The following ZNF268 variants were observed in gnomAD, a reference collection of about 807,000 sequenced individuals.
ZNF268 encodes the protein zinc finger protein 3.
A neutral mutation model predicts 29.3 loss-of-function variants in ZNF268; 20 were observed. The ratio of observed to expected loss-of-function variants is 0.68; its 90% CI spans 0.48 to 0.99. ZNF268 has a LOEUF of 0.99. ZNF268 is among the 50% of genes least tolerant of loss of function. ZNF268 has a pLI of 0.00. For synonymous variants in ZNF268, 429 were observed against 376.9 expected, an observed-to-expected ratio of 1.14 and a Z score of -1.60; for missense variants, 1,240 against 1,121.6, an observed-to-expected ratio of 1.11 and a Z score of -1.51.
chr12:133,204,477 T>A lies in ZNF268; in HGVS notation c.2791T>A (p.Trp931Arg). 2 of 1,546,290 alleles carry A rather than the reference T, an allele frequency of 1.3e-6. No individual in the cohort carries two copies. Among genetic ancestry groups the A allele is most frequent in the South Asian group, 1.2e-5 (1 of 84,466 alleles). Residue 931 changes from tryptophan (W) to arginine (R), a missense_variant, in exon 6 of 6, where the codon TGG (tryptophan) becomes AGG (arginine). Coordinates refer to ENST00000536435, the MANE Select transcript of ZNF268 (RefSeq NM_003415.3). ...KCTECGKAFC[W>R]KSQLIMHQRT... ...CACTGAATGTGGGAAAGCCTTTTGTTGGAAGTCACAGCTCATTATGCATCA... is the reference window on the plus strand; with the variant it reads ...CACTGAATGTGGGAAAGCCTTTTGTAGGAAGTCACAGCTCATTATGCATCA...
intron 5 of ZNF268, 56 bp downstream of exon 5, chr12:133,192,059 T>C (rs1956488999): frequency 2.1e-6 from 3 of 1,426,526 alleles, no homozygotes; most frequent in Non-Finnish European, 1.9e-6. Context: ...TGAATTCCAA[T>C]GTGATGTGCT....
chr12:133,196,356 A>G lies in ZNF268; in HGVS notation c.457+4353A>G, dbSNP rs531512647. Among the ~76,000 whole-genome samples, 4 of 149,450 alleles carry G rather than the reference A, an allele frequency of 2.7e-5. No homozygotes were observed. In the East Asian group the frequency reaches 5.9e-4, roughly 22 times the overall value. ...AAAAAAAAAAGCCTGTCTTTTAGTT[A>G]CTGGGTTTGGTATTCCCTGATTTTT... is the stretch of plus-strand genomic sequence containing the variant. On this transcript the variant is annotated intron_variant, in intron 5 of 5. Coordinates refer to ENST00000536435, the MANE Select transcript of ZNF268 (RefSeq NM_003415.3).
Position 133,181,653 on chromosome 12 carries a change from T to G in ZNF268, c.-86T>G, listed in dbSNP as rs1956178734. ...GTGGAGGCAGTACCCTGGACTCTAT[T>G]CTGCTGCCCCTTCAGGGTTTGGAGG... is the stretch of plus-strand genomic sequence containing the variant. On this transcript the variant is annotated 5_prime_UTR_variant, in exon 1 of 6. In the 5' UTR this introduces an upstream ATG that the reference lacks. Coordinates refer to ENST00000536435, the MANE Select transcript of ZNF268 (RefSeq NM_003415.3). 6.6e-6 allele frequency: 2 copies of G among 302,422 alleles called. No homozygotes were observed. The highest frequency in any genetic ancestry group is 2.1e-5 in the African/African-American group (1 of 47,328). 18.7% of individuals were successfully genotyped at this position (302,422 alleles called of 1,614,324 possible).
In ZNF268 at chr12:133,205,144, T is replaced by TAAAAAAAAAAAAA. The variant is rs1223672116; in HGVS notation, c.*631_*643dup. The TAAAAAAAAAAAAA allele has an allele frequency of 2.6e-3, 111 of 42,292 alleles. 6 individuals carry two copies. Among genetic ancestry groups the TAAAAAAAAAAAAA allele is most frequent in the Middle Eastern group, 0.022 (1 of 46 alleles). The allele number at this position is 42,292 out of a possible 1,614,324, so 2.6% of individuals were successfully genotyped here. A position where few individuals can be genotyped will look rare whatever the true frequency, so the allele number is the denominator to read the frequency against. On this transcript the variant is annotated 3_prime_UTR_variant, in exon 6 of 6. Coordinates refer to ENST00000536435, the MANE Select transcript of ZNF268 (RefSeq NM_003415.3). ...TAACCTCACCTTAGAAGCTTCATTC[T>TAAAAAAAAAAAAA]AAAAAAAAAAAAAAAAAAAAAAAAA... is the stretch of plus-strand genomic sequence containing the variant.
Position 133,205,102 on chromosome 12 carries a change from A to C in ZNF268, c.*572A>C, listed in dbSNP as rs1190439811. ...GAACATCTTATGAATGTACCAAATAAACCACAGCTGGACTGTTAACCTCAC... is the reference window on the plus strand; with the variant it reads ...GAACATCTTATGAATGTACCAAATACACCACAGCTGGACTGTTAACCTCAC... On this transcript the variant is annotated 3_prime_UTR_variant, in exon 6 of 6. Coordinates refer to ENST00000536435, the MANE Select transcript of ZNF268 (RefSeq NM_003415.3). 1 of 147,834 alleles carries C rather than the reference A, an allele frequency of 6.8e-6. No homozygotes were observed. Among genetic ancestry groups the C allele is most frequent in the Non-Finnish European group, 1.5e-5 (1 of 66,704 alleles). The allele number at this position is 147,834 out of a possible 1,614,324, so 9.2% of individuals were successfully genotyped here. A position where few individuals can be genotyped will look rare whatever the true frequency, so the allele number is the denominator to read the frequency against.
In ZNF268 at chr12:133,211,753, CTCAT is replaced by C. The variant is rs1157213843; in HGVS notation, c.*7229_*7232del. 1 of 152,218 alleles carries C rather than the reference CTCAT, an allele frequency of 6.6e-6. No individual in the cohort carries two copies. Among genetic ancestry groups the C allele is most frequent in the African/African-American group, 2.4e-5 (1 of 41,440 alleles). The allele number at this position is 152,218 out of a possible 1,614,324, so 9.4% of individuals were successfully genotyped here. Reference sequence around the variant, plus strand: ...TAAATTTGCAATTGCAACAGGAACTCTCATTCATTGCTGGTGCAATGCATAATAG... The same window carrying C: ...TAAATTTGCAATTGCAACAGGAACTCTCATTGCTGGTGCAATGCATAATAG... On this transcript the variant is annotated 3_prime_UTR_variant, in exon 6 of 6. Transcript: ENST00000536435.
chr12:133,203,186 T>C lies in ZNF268; in HGVS notation c.1500T>C (p.Tyr500=), dbSNP rs145674113. 945 of 1,537,834 alleles carry C rather than the reference T, an allele frequency of 6.1e-4. 2 individuals are homozygous for C. The African/African-American group carries it at 0.011, about 18-fold the overall frequency. Residue 500 remains tyrosine, a synonymous_variant, in exon 6 of 6, where the codon TAT becomes TAC. Coordinates refer to ENST00000536435, the MANE Select transcript of ZNF268 (RefSeq NM_003415.3). Reference sequence around the variant, plus strand: ...GAAGTCACACAGGAATGAAACCTTATGTATGCAATGAATGTGGCAAAGCCT... The same window carrying C: ...GAAGTCACACAGGAATGAAACCTTACGTATGCAATGAATGTGGCAAAGCCT... ...HQRSHTGMKP[Y]VCNECGKAFR... is the part of the protein sequence containing the mutation.
In ZNF268 at chr12:133,205,414, TA is replaced by T. The variant is rs1800839416; in HGVS notation, c.*886del. 1 of 152,148 alleles carries T rather than the reference TA, an allele frequency of 6.6e-6. No individual in the cohort carries two copies. Among genetic ancestry groups the T allele is most frequent in the Admixed American group, 6.5e-5 (1 of 15,272 alleles). The allele number at this position is 152,148 out of a possible 1,614,324, so 9.4% of individuals were successfully genotyped here. ...TAGATATCTTCCTATGTGTACTACA[TA>T]ATATGAATTTTGCAGTTTGGCATTT... On this transcript the variant is annotated 3_prime_UTR_variant, in exon 6 of 6. Coordinates refer to ENST00000536435, the MANE Select transcript of ZNF268 (RefSeq NM_003415.3).
In ZNF268 at chr12:133,207,464, C is replaced by A. The variant is rs1258691872; in HGVS notation, c.*2934C>A. 2 of 152,214 alleles carry A rather than the reference C, an allele frequency of 1.3e-5. No individual in the cohort carries two copies. Among genetic ancestry groups the A allele is most frequent in the African/African-American group, 2.4e-5 (1 of 41,450 alleles). 9.4% of individuals were successfully genotyped at this position (152,214 alleles called of 1,614,324 possible). Reference sequence around the variant, plus strand: ...ATTAGTGGATCCAGCATCCTTTGTTCATTACCAGCAGAATCACTATTATTT... The same window carrying A: ...ATTAGTGGATCCAGCATCCTTTGTTAATTACCAGCAGAATCACTATTATTT... On this transcript the variant is annotated 3_prime_UTR_variant, in exon 6 of 6. Transcript: ENST00000536435.
rs1392510759 is a variant in ZNF268 at position 133,202,636 on chromosome 12, C to T, written c.950C>T (p.Ser317Leu). The T allele has an allele frequency of 1.9e-6, 3 of 1,605,114 alleles. No homozygotes were observed. The highest frequency in any genetic ancestry group is 2.2e-5 in the East Asian group (1 of 44,658). The change falls in exon 6 of 6, where the codon TCA becomes TTA. Residue 317 changes from serine to leucine, a missense_variant. By Grantham distance (145) the Ser-to-Leu change is moderately radical (BLOSUM62 -2). This residue lies in a region of ZNF268 where 1,177 missense variants were observed against 1,039.6 expected (regional missense o/e 1.13). Coordinates refer to ENST00000536435, the MANE Select transcript of ZNF268 (RefSeq NM_003415.3). ...TGTGGGAAAGACTTCAGTAGTAAAT[C>T]ATACCTCATTGTACATCAGAGAATT... ...NECGKDFSSK[S>L]YLIVHQRIHT...
chr12:133,204,151 TACTCATTGTACATGAGCGA>T lies in ZNF268; in HGVS notation c.2472_2490del (p.Ile824MetfsTer114). 6.5e-7 allele frequency: 1 copy of T among 1,541,732 alleles called. No homozygotes were observed. Among genetic ancestry groups the T allele is most frequent in the East Asian group, 2.4e-5 (1 of 40,840 alleles). ...GGGAAAGCCTTCATTTGGAAATCAC[TACTCATTGTACATGAGCGA>T]ACTCATGCAGGGGTCAACCCTTATA... On this transcript the variant is annotated frameshift_variant, in exon 6 of 6. Coordinates refer to ENST00000536435, the MANE Select transcript of ZNF268 (RefSeq NM_003415.3). LOFTEE classifies it low-confidence loss of function (END_TRUNC).
intron 5 of ZNF268, among the ~76,000 whole-genome samples, chr12:133,201,842 C>G (rs1956757950): frequency 6.6e-6 from 1 of 152,072 alleles, no homozygotes; most frequent in South Asian, 2.1e-4. Flanking sequence ...ATTTTGCCTT[C>G]TTTATCCAAT....
At position 133,212,473 on chromosome 12, in the gene ZNF268, A is replaced by G. The variant is rs1228994707; in HGVS notation, c.*7943A>G. ...TATATATATATATATATATATATAT[A>G]TATATATATATATATATATATATAT... is the stretch of plus-strand genomic sequence containing the variant. On this transcript the variant is annotated 3_prime_UTR_variant, in exon 6 of 6. Transcript: ENST00000536435. 7.4e-4 allele frequency: 8 copies of G among 10,756 alleles called. No homozygotes were observed. The highest frequency in any genetic ancestry group is 2.0e-3 in the African/African-American group (6 of 2,964). The allele number at this position is 10,756 out of a possible 1,614,324, so 0.7% of individuals were successfully genotyped here. A position where few individuals can be genotyped will look rare whatever the true frequency, so the allele number is the denominator to read the frequency against.
intron 5 of ZNF268, among the ~76,000 whole-genome samples, chr12:133,200,767 C>T (rs1336929482): frequency 2.0e-5 from 3 of 152,052 alleles, no homozygotes; most frequent in African/African-American, 7.2e-5. Context: ...CTAGAGGAAA[C>T]ATCTTCAGTC....
rs114661166 is a variant in ZNF268 at position 133,195,304 on chromosome 12, T to G, written c.457+3301T>G. On this transcript the variant is annotated intron_variant, in intron 5 of 5. Transcript: ENST00000536435. Reference sequence around the variant, plus strand: ...GGTGTATATTTGGGTTCCCAGTGATTGCCTTTGGACCACAGCCAGGAACCA... The same window carrying G: ...GGTGTATATTTGGGTTCCCAGTGATGGCCTTTGGACCACAGCCAGGAACCA... Among the ~76,000 whole-genome samples the G allele has an allele frequency of 4.0e-3, 608 of 152,328 alleles. 8 individuals are homozygous for G. The highest frequency in any genetic ancestry group is 0.014 in the African/African-American group (588 of 41,572).
At chr12:133,187,244 C>G (rs993651310) in intron 2 of ZNF268, among the ~76,000 whole-genome samples, 1 of 137,968 alleles carries the variant, frequency 7.2e-6, no homozygotes, top group African/African-American at 2.8e-5. Flanking sequence ...TTTTATGTTC[C>G]TCCTAAATTT....
At position 133,202,651 on chromosome 12, in the gene ZNF268, A is replaced by C; in HGVS notation, c.965A>C (p.His322Pro). 6.2e-7 allele frequency: 1 copy of C among 1,606,202 alleles called. No homozygotes were observed. Among genetic ancestry groups the C allele is most frequent in the Non-Finnish European group, 8.5e-7 (1 of 1,175,864 alleles). The change falls in exon 6 of 6, where the codon CAT becomes CCT. Residue 322 changes from histidine to proline, a missense_variant. This residue lies in a region of ZNF268 where 1,177 missense variants were observed against 1,039.6 expected (regional missense o/e 1.13). Transcript: ENST00000536435. ...AGTAGTAAATCATACCTCATTGTAC[A>C]TCAGAGAATTCATACAGGAGAGAAA... ...DFSSKSYLIV[H>P]QRIHTGEKLH... is the part of the protein sequence containing the mutation.
chr12:133,203,255 A>G lies in ZNF268; in HGVS notation c.1569A>G (p.Thr523=). 1 of 1,538,344 alleles carries G rather than the reference A, an allele frequency of 6.5e-7. No individual in the cohort carries two copies. The highest frequency in any genetic ancestry group is 2.4e-5 in the East Asian group (1 of 40,894). The change falls in exon 6 of 6, where the codon ACA becomes ACG. Residue 523 remains threonine, a synonymous_variant. Coordinates refer to ENST00000536435, the MANE Select transcript of ZNF268 (RefSeq NM_003415.3). ...SYLIIHTRTH[T]GEKLHECNNC... ...TTATTATACATACAAGGACTCATAC[A>G]GGAGAAAAACTCCATGAATGCAACA...
chr12:133,211,131 A>G lies in ZNF268; in HGVS notation c.*6601A>G, dbSNP rs1443894785. 2.5e-6 allele frequency: 1 copy of G among 394,002 alleles called. No homozygotes were observed. The highest frequency in any genetic ancestry group is 3.0e-5 in the Admixed American group (1 of 33,776). The allele number at this position is 394,002 out of a possible 1,614,324, so 24.4% of individuals were successfully genotyped here. On this transcript the variant is annotated 3_prime_UTR_variant, in exon 6 of 6. Coordinates refer to ENST00000536435, the MANE Select transcript of ZNF268 (RefSeq NM_003415.3). ...AAGTGATTTCCTATATATTTGAAAT[A>G]ATGTATAGCAATAATTGGAATTTGT...
Sources: allele counts gnomAD v4.1 joint callset (sites outside exome capture counted in the v4.1 genomes callset), GRCh38; gene constraint gnomAD v4.1.1; regional missense constraint gnomAD v4.1.1; transcripts MANE v1.5; gene names NCBI Gene and HGNC (gene_info 2026-07-23, HGNC 2026-07-21).